The following MYO1E variants were observed in gnomAD, a reference collection of about 807,000 sequenced individuals.
The protein encoded by MYO1E is unconventional myosin-Ie.
A neutral mutation model predicts 151.1 loss-of-function variants in MYO1E; 68 were observed. That is an observed-to-expected ratio of 0.45 (90% CI 0.37 to 0.55). The LOEUF (loss-of-function observed/expected upper bound fraction) is 0.55. Among genes scored for constraint, MYO1E ranks in the 20% least tolerant of loss-of-function variants. MYO1E has a pLI of 0.00. For synonymous variants in MYO1E, 601 were observed against 501.7 expected (o/e 1.20, Z -2.64); for missense variants, 1,363 against 1,389.3 (o/e 0.98, Z 0.30).
chr15:59,276,568 C>T (rs990473651), intron 1 of MYO1E, among the ~76,000 whole-genome samples: 3 of 152,168 alleles, frequency 2.0e-5, no homozygotes, highest in Admixed American at 6.5e-5. Context: ...ATCCACATTC[C>T]GTTTCTAAGG....
At chr15:59,139,136 C>T (rs2079391886) in intron 26 of MYO1E, among the ~76,000 whole-genome samples, 1 of 152,052 alleles carries the variant, frequency 6.6e-6, no homozygotes, top group Non-Finnish European at 1.5e-5. Flanking sequence ...CCTCAGACCT[C>T]ACTCCTGTCT....
intron 1 of MYO1E, among the ~76,000 whole-genome samples, chr15:59,328,793 A>C (rs1329775262): frequency 6.6e-6 from 1 of 152,146 alleles, no homozygotes; most frequent in African/African-American, 2.4e-5. Context: ...GAAAAATCTA[A>C]GACACTGGTA....
intron 4 of MYO1E, among the ~76,000 whole-genome samples, chr15:59,246,267 G>A (rs1353775830): frequency 6.6e-6 from 1 of 152,058 alleles, no homozygotes; most frequent in African/African-American, 2.4e-5. Context: ...ACAGGTGCCT[G>A]CCACCACACC....
At chr15:59,303,928 G>A (rs888709828) in intron 1 of MYO1E, among the ~76,000 whole-genome samples, 2 of 151,850 alleles carry the variant, frequency 1.3e-5, no homozygotes, top group Non-Finnish European at 2.9e-5. Flanking sequence ...ACACATTAAA[G>A]TGATGCCTGG....
At chr15:59,247,194 T>C (rs2080135564) in intron 4 of MYO1E, among the ~76,000 whole-genome samples, 1 of 152,150 alleles carries the variant, frequency 6.6e-6, no homozygotes, top group Non-Finnish European at 1.5e-5. Flanking sequence ...AGACTCTTTT[T>C]CAAAAACTAA....
At position 59,141,428 on chromosome 15, in the gene MYO1E, A is replaced by C. The variant is rs560806504; in HGVS notation, c.3081-3061T>G. Among the ~76,000 whole-genome samples, 10 of 152,360 alleles carry C rather than the reference A, an allele frequency of 6.6e-5. 1 individual carries two copies. The South Asian group carries it at 1.7e-3, about 25-fold the overall frequency. On this transcript the variant is annotated intron_variant, in intron 26 of 27. Coordinates refer to ENST00000288235, the MANE Select transcript of MYO1E (RefSeq NM_004998.4). Reference sequence around the variant, plus strand: ...ACCTCTAGATTACTTATAATACTTAATATAATGTAAATGCTATGTAAATAG... The same window carrying C: ...ACCTCTAGATTACTTATAATACTTACTATAATGTAAATGCTATGTAAATAG...
intron 7 of MYO1E, 81 bp downstream of exon 7, chr15:59,227,378 T>C (rs574156603): frequency 6.5e-6 from 10 of 1,541,094 alleles, no homozygotes; most frequent in African/African-American, 1.4e-5. Flanking sequence ...TCCTAGACTA[T>C]AGTCTATGCC....
chr15:59,303,487 C>T (rs2140405232), intron 1 of MYO1E, among the ~76,000 whole-genome samples: 1 of 151,986 alleles, frequency 6.6e-6, no homozygotes, highest in South Asian at 2.1e-4. Flanking sequence ...CGAGACCGTA[C>T]CACTGCACTC....
At chr15:59,220,013 CG>C (rs1262835744) in intron 9 of MYO1E, among the ~76,000 whole-genome samples, 1 of 152,180 alleles carries the variant, frequency 6.6e-6, no homozygotes, top group African/African-American at 2.4e-5. Context: ...GGACCCATGT[CG>C]GGTTGTTGTG....
chr15:59,277,038 TTCAAATGCCC>T (rs2080323257), intron 1 of MYO1E, among the ~76,000 whole-genome samples: 1 of 152,120 alleles, frequency 6.6e-6, no homozygotes. Flanking sequence ...TTCAAATGCC[TTCAAATGCCC>T]AGAAAAGGGA....
At chr15:59,353,036 G>C (rs2140435923) in intron 1 of MYO1E, among the ~76,000 whole-genome samples, 1 of 152,222 alleles carries the variant, frequency 6.6e-6, no homozygotes, top group African/African-American at 2.4e-5. Flanking sequence ...TTCTAAGGAA[G>C]TCAGCACACC....
intron 6 of MYO1E, 121 bp downstream of exon 6, chr15:59,231,581 G>A (rs1281091310): frequency 5.6e-6 from 6 of 1,074,004 alleles, no homozygotes; most frequent in Admixed American, 3.8e-5. Context: ...AGGAAAGATC[G>A]AAGAGGTGGC....
intron 17 of MYO1E, among the ~76,000 whole-genome samples, chr15:59,188,852 A>G (rs1309011602): frequency 1.3e-5 from 2 of 152,228 alleles, no homozygotes; most frequent in Non-Finnish European, 2.9e-5. Context: ...GCTAAAGGAA[A>G]GAACTTTTAA....
At chr15:59,342,924 C>T (rs1370012567) in intron 1 of MYO1E, among the ~76,000 whole-genome samples, 1 of 152,162 alleles carries the variant, frequency 6.6e-6, no homozygotes, top group East Asian at 1.9e-4. Flanking sequence ...TTTGTCTCCC[C>T]ACTTTTTAAC....
At chr15:59,168,906 G>A (rs1360501260) in intron 22 of MYO1E, among the ~76,000 whole-genome samples, 1 of 152,184 alleles carries the variant, frequency 6.6e-6, no homozygotes, top group African/African-American at 2.4e-5. Context: ...ACAGGCGTGG[G>A]TCACTGCGCT....
At chr15:59,228,023 G>A (rs2080002533) in intron 6 of MYO1E, among the ~76,000 whole-genome samples, 1 of 152,140 alleles carries the variant, frequency 6.6e-6, no homozygotes, top group African/African-American at 2.4e-5. Context: ...TGTTTATCTA[G>A]AACGGAAACA....
intron 26 of MYO1E, among the ~76,000 whole-genome samples, chr15:59,142,248 A>G (rs1413023522): frequency 6.6e-6 from 1 of 152,166 alleles, no homozygotes; most frequent in Non-Finnish European, 1.5e-5. Context: ...AGTTGAACCC[A>G]CAGATGCTAA....
chr15:59,282,962 GGGGAA>G (rs2080365479), intron 1 of MYO1E, among the ~76,000 whole-genome samples: 1 of 18,608 alleles, frequency 5.4e-5, no homozygotes, highest in Non-Finnish European at 1.2e-4. Flanking sequence ...GGAGAGGGGA[GGGGAA>G]AGGGGAAAGG....
At chr15:59,140,895 G>A (rs1178932988) in intron 26 of MYO1E, among the ~76,000 whole-genome samples, 16 of 152,200 alleles carry the variant, frequency 1.1e-4, no homozygotes, top group African/African-American at 3.6e-4. Context: ...CCACCCCCCT[G>A]CACTTTTCTC....
Sources: allele counts gnomAD v4.1 joint callset (sites outside exome capture counted in the v4.1 genomes callset), GRCh38; gene constraint gnomAD v4.1.1; transcripts MANE v1.5; gene names NCBI Gene and HGNC (gene_info 2026-07-23, HGNC 2026-07-21).